The following TRAF3 variants were observed in gnomAD, a reference collection of about 807,000 sequenced individuals.
TRAF3 encodes TNF receptor associated factor 3, also known as TNF receptor-associated factor 3.
In TRAF3, 13 loss-of-function variants were observed where a neutral mutation model predicts 62.3. The observed-to-expected ratio is 0.21, with a 90% CI of 0.14 to 0.33. The LOEUF (loss-of-function observed/expected upper bound fraction) is 0.33, where lower values mean the gene tolerates loss of function less well. Ranked by LOEUF, TRAF3 falls within the 10% of genes least tolerant of loss-of-function variation. TRAF3 has a pLI of 1.00. For missense variants in TRAF3, 440 were observed against 741.8 expected (o/e 0.59, Z 4.73); for synonymous variants, 269 against 283.4 (o/e 0.95, Z 0.51).
At chr14:102,813,474 G>A (rs1187457178) in intron 1 of TRAF3, among the ~76,000 whole-genome samples, 1 of 144,622 alleles carries the variant, frequency 6.9e-6, no homozygotes, top group African/African-American at 2.5e-5. Flanking sequence ...TTTTTGAGAC[G>A]GAGTCTCACT....
intron 2 of TRAF3, among the ~76,000 whole-genome samples, chr14:102,865,544 G>C (rs1887935498): frequency 6.7e-6 from 1 of 148,566 alleles, no homozygotes; most frequent in African/African-American, 2.5e-5. Context: ...CTGTCACCGA[G>C]GCTGGAGTGC....
chr14:102,791,316 G>A (rs1301715993), intron 1 of TRAF3, among the ~76,000 whole-genome samples: 3 of 152,110 alleles, frequency 2.0e-5, no homozygotes, highest in Non-Finnish European at 4.4e-5. Flanking sequence ...ACCGCGCCCA[G>A]CTGAACTTGG....
In TRAF3 at chr14:102,891,318, C is replaced by G; in HGVS notation, c.727-7C>G. On this transcript the variant is annotated splice_polypyrimidine_tract_variant and splice_region_variant and intron_variant, in intron 8 of 11. Transcript: ENST00000392745. ...TCGCTGAATGCCTCACATGTTTGCT[C>G]TCGCAGGGGACAAACCAGCAGATCA... is the stretch of plus-strand genomic sequence containing the variant. 6.2e-7 allele frequency: 1 copy of G among 1,612,238 alleles called. No homozygotes were observed. Among genetic ancestry groups the G allele is most frequent in the East Asian group, 2.2e-5 (1 of 44,842 alleles).
In TRAF3 at chr14:102,905,207, T is replaced by G; in HGVS notation, c.1136-6T>G. On this transcript the variant is annotated splice_polypyrimidine_tract_variant and splice_region_variant and intron_variant, in intron 11 of 11. Transcript: ENST00000392745. ...TCATTCACCAAACCCTCCTCACCTG[T>G]GGCAGGCCTGCTGGAGTCCCAGCTG... 1 of 1,613,074 alleles carries G rather than the reference T, an allele frequency of 6.2e-7. No homozygotes were observed.
At chr14:102,779,269 C>CTT (rs61309052) in intron 1 of TRAF3, among the ~76,000 whole-genome samples, 4,260 of 122,600 alleles carry the variant, frequency 0.035, 538 homozygotes, top group African/African-American at 0.1. Context: ...AGAATTCCAG[C>CTT]TTTTTTTTTT....
chr14:102,872,941 C>T (rs1044617573), intron 4 of TRAF3, among the ~76,000 whole-genome samples: 3 of 152,192 alleles, frequency 2.0e-5, no homozygotes, highest in Non-Finnish European at 4.4e-5. Context: ...ATCCACCTGC[C>T]TCGGCCTCCC....
intron 1 of TRAF3, among the ~76,000 whole-genome samples, chr14:102,803,899 T>A (rs769486138): frequency 4.6e-5 from 7 of 152,132 alleles, no homozygotes; most frequent in Non-Finnish European, 7.4e-5. Context: ...CCCTATGAAA[T>A]TGACTTAAAA....
intron 7 of TRAF3, 109 bp from the exon 8 acceptor site, chr14:102,889,451 A>G (rs1289810109): frequency 1.7e-6 from 2 of 1,148,824 alleles, no homozygotes; most frequent in South Asian, 1.2e-5. Flanking sequence ...ACCTGTAGCG[A>G]TAAACACCAT....
chr14:102,827,747 C>G (rs899217194), intron 1 of TRAF3, among the ~76,000 whole-genome samples: 3 of 152,214 alleles, frequency 2.0e-5, no homozygotes, highest in African/African-American at 7.2e-5. Flanking sequence ...AAGCGTGCTA[C>G]TATTTCAGAA....
At chr14:102,861,753 G>A (rs1179404962) in intron 2 of TRAF3, among the ~76,000 whole-genome samples, 1 of 152,156 alleles carries the variant, frequency 6.6e-6, no homozygotes, top group Admixed American at 6.5e-5. Flanking sequence ...TAAAAAAGTG[G>A]CTACTCAATA....
At chr14:102,796,442 C>T (rs970884267) in intron 1 of TRAF3, among the ~76,000 whole-genome samples, 9 of 152,184 alleles carry the variant, frequency 5.9e-5, no homozygotes, top group Non-Finnish European at 1.5e-5. Flanking sequence ...GCAAATTAAT[C>T]GAATCCAAAG....
At chr14:102,809,303 G>T (rs1386431660) in intron 1 of TRAF3, among the ~76,000 whole-genome samples, 1 of 151,372 alleles carries the variant, frequency 6.6e-6, no homozygotes, top group African/African-American at 2.4e-5. Context: ...GCTAATTTTT[G>T]TATTTTTAGT....
chr14:102,903,422 G>T lies in TRAF3; in HGVS notation c.1128G>T (p.Arg376=), dbSNP rs1398076865. Residue 376 remains arginine (R), a synonymous_variant, in exon 11 of 12, where the codon CGG becomes CGT. Coordinates refer to ENST00000392745, the MANE Select transcript of TRAF3 (RefSeq NM_145725.3). This position sits in a 1 kb window ranked among gnomAD's most constrained non-coding sequence, Gnocchi z 6.4. ...SVDKSAGQVA[R]NTGLLESQLS... is the part of the protein sequence containing the mutation. ...ACAAGAGCGCGGGGCAAGTGGCTCGGAACACAGGTGAGGCAGGGGCCGGGG... is the reference window on the plus strand; with the variant it reads ...ACAAGAGCGCGGGGCAAGTGGCTCGTAACACAGGTGAGGCAGGGGCCGGGG... 6.2e-7 allele frequency: 1 copy of T among 1,613,920 alleles called. No individual in the cohort carries two copies. The highest frequency in any genetic ancestry group is 8.5e-7 in the Non-Finnish European group (1 of 1,179,964).
intron 11 of TRAF3, among the ~76,000 whole-genome samples, chr14:102,904,826 AAAG>A: frequency 2.0e-5 from 3 of 149,246 alleles, no homozygotes; most frequent in African/African-American, 5.0e-5. Context: ...AAAAAAAAAA[AAAG>A]AGCCAGGCAC....
At chr14:102,836,644 G>A (rs1286340003) in intron 2 of TRAF3, among the ~76,000 whole-genome samples, 3 of 152,194 alleles carry the variant, frequency 2.0e-5, no homozygotes, top group African/African-American at 7.2e-5. Flanking sequence ...AGCAGTTGTA[G>A]CAAGGTGAGG....
At chr14:102,890,585 A>G (rs1228444541) in intron 8 of TRAF3, among the ~76,000 whole-genome samples, 3 of 152,230 alleles carry the variant, frequency 2.0e-5, no homozygotes, top group Non-Finnish European at 4.4e-5. Flanking sequence ...TATTCTATGT[A>G]CAGAGTATAT....
At chr14:102,864,660 A>G (rs1420575716) in intron 2 of TRAF3, among the ~76,000 whole-genome samples, 1 of 152,248 alleles carries the variant, frequency 6.6e-6, no homozygotes, top group African/African-American at 2.4e-5. Flanking sequence ...AAATAGCATA[A>G]GAGATGCAAT....
chr14:102,885,198 C>T (rs892024386), intron 6 of TRAF3, among the ~76,000 whole-genome samples: 5 of 152,210 alleles, frequency 3.3e-5, no homozygotes, highest in African/African-American at 9.7e-5. Context: ...GTTCCGAGGA[C>T]GAGCTTCCCT....
At chr14:102,852,709 G>A (rs1262316515) in intron 2 of TRAF3, among the ~76,000 whole-genome samples, 1 of 151,422 alleles carries the variant, frequency 6.6e-6, no homozygotes, top group Non-Finnish European at 1.5e-5. Flanking sequence ...AAAACAGTTT[G>A]TTTTTTTTAG....
Sources: gnomAD v4.1 joint callset for allele counts (sites outside exome capture counted in the v4.1 genomes callset) on GRCh38, gnomAD v4.1.1 for gene constraint, Gnocchi (gnomAD v3.1) non-coding constraint, MANE v1.5 for transcripts, NCBI Gene and HGNC (gene_info 2026-07-23, HGNC 2026-07-21) for gene names.